SLC12A5: variants seen among roughly 807,000 people sequenced by gnomAD.
SLC12A5 encodes solute carrier family 12 member 5.
In SLC12A5, 18 loss-of-function variants were observed where a neutral mutation model predicts 124.0. The observed-to-expected ratio is 0.15, with a 90% confidence interval of 0.10 to 0.22. The LOEUF (loss-of-function observed/expected upper bound fraction) is 0.22. Ranked by LOEUF, SLC12A5 falls within the 10% of genes least tolerant of loss-of-function variation. SLC12A5 has a pLI of 1.00. For synonymous variants in SLC12A5, 589 were observed against 568.0 expected (o/e 1.04, Z -0.53); for missense variants, 867 against 1,478.7 (o/e 0.59, Z 6.78).
chr20:46,034,251 C>T (rs1015369041), intron 1 of SLC12A5, among the ~76,000 whole-genome samples: 1 of 152,324 alleles, frequency 6.6e-6, no homozygotes, highest in Non-Finnish European at 1.5e-5. Context: ...CAGCTCTCAG[C>T]GGACACGTCA....
At chr20:46,039,865 G>A (rs543475577) in intron 6 of SLC12A5, among the ~76,000 whole-genome samples, 4 of 151,654 alleles carry the variant, frequency 2.6e-5, no homozygotes, top group Admixed American at 6.6e-5. Flanking sequence ...TAGCTCCATA[G>A]TCTGTGGGGA....
chr20:46,042,256 C>G (rs2084554601), intron 8 of SLC12A5, among the ~76,000 whole-genome samples: 1 of 152,082 alleles, frequency 6.6e-6, no homozygotes, highest in African/African-American at 2.4e-5. Context: ...GAGGAGCCAC[C>G]AAGGGGTTTT....
chr20:46,057,625 G>T lies in SLC12A5; in HGVS notation c.*20G>T. On this transcript the variant is annotated 3_prime_UTR_variant, in exon 26 of 26. Transcript: ENST00000243964. This position sits in a 1 kb window ranked among gnomAD's most constrained non-coding sequence, Gnocchi z 7.1. ...TCCTGAGAACCAGGACCTGCCACCC[G>T]GGCCCGAGCGCGCCCGGCCCGCGGC... 6.3e-7 allele frequency: 1 copy of T among 1,598,476 alleles called. No homozygotes were observed. The highest frequency in any genetic ancestry group is 1.1e-5 in the South Asian group (1 of 89,908).
chr20:46,031,905 C>G (rs2084454366), intron 1 of SLC12A5, among the ~76,000 whole-genome samples: 1 of 152,252 alleles, frequency 6.6e-6, no homozygotes, highest in Admixed American at 6.5e-5. Flanking sequence ...TTCCCCTTAG[C>G]TGTTCTGGTC....
intron 6 of SLC12A5, among the ~76,000 whole-genome samples, chr20:46,040,065 A>G (rs12480942): frequency 0.029 from 4,477 of 152,298 alleles, 170 homozygotes; most frequent in Admixed American, 0.12. Context: ...ATGGGGTCAC[A>G]TTATGTTGCC....
Position 46,029,390 on chromosome 20 carries a change from A to C in SLC12A5, c.46A>C (p.Asn16His), listed in dbSNP as rs1027949251. The C allele has an allele frequency of 3.2e-6, 5 of 1,541,872 alleles. No individual in the cohort carries two copies. Among genetic ancestry groups the C allele is most frequent in the African/African-American group, 1.4e-5 (1 of 72,524 alleles). The change falls in exon 1 of 26, where the codon AAC (asparagine) becomes CAC (histidine). Residue 16 changes from asparagine (N) to histidine (H), a missense_variant. Coordinates refer to ENST00000243964, the MANE Select transcript of SLC12A5 (RefSeq NM_020708.5). ...TDCEDGDGGA[N>H]PGDGNPKESS... ...CTGCGAGGACGGCGATGGGGGAGCC[A>C]ACCCGGGTAAGCTGTGGTCCGGGGG... is the stretch of plus-strand genomic sequence containing the variant.
chr20:46,046,492 C>T, intron 14 of SLC12A5, 56 bp downstream of exon 14: 2 of 1,482,736 alleles, frequency 1.3e-6, no homozygotes, highest in Admixed American at 3.4e-5. Context: ...CCACGCCAAT[C>T]CTCATCTTAC....
At position 46,029,309 on chromosome 20, in the gene SLC12A5, C is replaced by T. The variant is rs1462463424; in HGVS notation, c.-36C>T. ...GGGTAGAGGGGCGCGGGCGAGGCGG[C>T]GCAGCCATCCCCGGACCAGGGGCCG... is the stretch of plus-strand genomic sequence containing the variant. On this transcript the variant is annotated 5_prime_UTR_variant, in exon 1 of 26. Coordinates refer to ENST00000243964, the MANE Select transcript of SLC12A5 (RefSeq NM_020708.5). 2 of 1,519,700 alleles carry T rather than the reference C, an allele frequency of 1.3e-6. No homozygotes were observed. The highest frequency in any genetic ancestry group is 1.8e-6 in the Non-Finnish European group (2 of 1,134,034). 94.1% of individuals were successfully genotyped at this position (1,519,700 alleles called of 1,614,324 possible). A position where few individuals can be genotyped will look rare whatever the true frequency, so the allele number is the denominator to read the frequency against.
At chr20:46,029,665 G>A (rs889436127) in intron 1 of SLC12A5, among the ~76,000 whole-genome samples, 1 of 152,178 alleles carries the variant, frequency 6.6e-6, no homozygotes, top group African/African-American at 2.4e-5. Context: ...TAGCTAAACC[G>A]AGGAGGCGGT....
rs1288195001 is a variant in SLC12A5, at chr20:46,056,572, C to T, written c.3110+8C>T. 6.2e-7 allele frequency: 1 copy of T among 1,612,212 alleles called. No homozygotes were observed. The highest frequency in any genetic ancestry group is 8.5e-7 in the Non-Finnish European group (1 of 1,178,932). The stretch of plus-strand genomic sequence containing the variant: ...CTTCTTCAGCATGAAGCCGTACGGG[C>T]CTGGGGGCTAAGGGCTGGGGGCTGG... On this transcript the variant is annotated splice_region_variant and intron_variant, in intron 23 of 25. Transcript: ENST00000243964. This position sits in a 1 kb window ranked among gnomAD's most constrained non-coding sequence, Gnocchi z 4.3.
Position 46,056,334 on chromosome 20 carries a change from C to G in SLC12A5, c.2911-31C>G, listed in dbSNP as rs377173641. The G allele has an allele frequency of 3.7e-6, 6 of 1,609,690 alleles. No individual in the cohort carries two copies. The African/African-American group carries it at 5.3e-5, about 14-fold the overall frequency. ...AGCAGAGCCCTTGGCCTCCAAAGGA[C>G]TCAACTGCCATCGCTTCATTCATCC... On this transcript the variant is annotated intron_variant, in intron 22 of 25. Transcript: ENST00000243964. This position sits in a 1 kb window ranked among gnomAD's most constrained non-coding sequence, Gnocchi z 4.3.
Position 46,048,739 on chromosome 20 carries a change from C to T in SLC12A5, c.2012+654C>T, listed in dbSNP as rs546264467. Among the ~76,000 whole-genome samples, 9 of 152,062 alleles carry T rather than the reference C, an allele frequency of 5.9e-5. No individual in the cohort carries two copies. In the South Asian group the frequency reaches 8.3e-4, roughly 14 times the overall value. On this transcript the variant is annotated intron_variant, in intron 16 of 25. Coordinates refer to ENST00000243964, the MANE Select transcript of SLC12A5 (RefSeq NM_020708.5). The stretch of plus-strand genomic sequence containing the variant: ...TACAAAAATTAGCCAGGCATGGTGG[C>T]GTGCACCTGTAGTCCCAGCTACTCA...
upstream of SLC12A5, chr20:46,029,190 G>T (rs1421753029): frequency 2.1e-6 from 3 of 1,438,982 alleles, no homozygotes; most frequent in African/African-American, 2.9e-5. Flanking sequence ...CCGTGTGCGA[G>T]TGTGTGTGCG....
chr20:46,058,659 C>A lies in SLC12A5; in HGVS notation c.*1054C>A, dbSNP rs568524737. Reference sequence around the variant, plus strand: ...TCGGCTTGTCGCCTGCTCCCCGTATCCCATGGCTCCTCGCCAAAGACTGAA... The same window carrying A: ...TCGGCTTGTCGCCTGCTCCCCGTATACCATGGCTCCTCGCCAAAGACTGAA... On this transcript the variant is annotated 3_prime_UTR_variant, in exon 26 of 26. Transcript: ENST00000243964. The surrounding 1 kb of genome is among the most constrained non-coding windows in gnomAD (Gnocchi z 5.8). 20 of 399,070 alleles carry A rather than the reference C, an allele frequency of 5.0e-5. No homozygotes were observed. Among genetic ancestry groups the A allele is most frequent in the Middle Eastern group, 6.3e-4 (1 of 1,588 alleles). 24.7% of individuals were successfully genotyped at this position (399,070 alleles called of 1,614,324 possible). A position where few individuals can be genotyped will look rare whatever the true frequency, so the allele number is the denominator to read the frequency against.
upstream of SLC12A5, chr20:46,021,792 G>C: frequency 6.5e-7 from 1 of 1,532,250 alleles, no homozygotes; most frequent in African/African-American, 1.4e-5. Flanking sequence ...CGGTCACCTC[G>C]CTGCCCCCCG....
intron 13 of SLC12A5, 90 bp downstream of exon 13, chr20:46,046,086 C>A (rs553582728): frequency 8.0e-7 from 1 of 1,246,358 alleles, no homozygotes; most frequent in East Asian, 2.3e-5. Context: ...CCCACCCAGA[C>A]ACTTTAGCAA....
rs57291121 is a variant in SLC12A5, at chr20:46,022,980, G to A, written c.100G>A (p.Gly34Arg). ...AGGAGGAGGAGGAGGAGGAGGAAGAGGAGGAGGAGGAAGAGGAGGAGGAAG... is the reference window on the plus strand; with the variant it reads ...AGGAGGAGGAGGAGGAGGAGGAAGAAGAGGAGGAGGAAGAGGAGGAGGAAG... The change falls in exon 2 of 3, where the codon GGA becomes AGA. Residue 34 changes from glycine (G) to arginine (R), a missense_variant. Gly to Arg is a moderately radical substitution (Grantham distance 125). Transcript: ENST00000413737. 2.4e-4 allele frequency: 88 copies of A among 370,828 alleles called. No homozygotes were observed. In the East Asian group the frequency reaches 3.5e-3, roughly 15 times the overall value. The allele number at this position is 370,828 out of a possible 1,614,324, so 23.0% of individuals were successfully genotyped here.
At chr20:46,041,993 A>G (rs1486912011) in intron 8 of SLC12A5, among the ~76,000 whole-genome samples, 1 of 152,138 alleles carries the variant, frequency 6.6e-6, no homozygotes, top group East Asian at 1.9e-4. Context: ...GAGGGTTTTG[A>G]AGGACAAATG....
chr20:46,048,149 A>T, intron 16 of SLC12A5, 64 bp downstream of exon 16: 2 of 1,419,302 alleles, frequency 1.4e-6, no homozygotes, highest in Non-Finnish European at 1.9e-6. Flanking sequence ...CTCAGGAGAC[A>T]GGGGGAAGGG....
Sources: allele counts gnomAD v4.1 joint callset (sites outside exome capture counted in the v4.1 genomes callset), GRCh38; gene constraint gnomAD v4.1.1; non-coding constraint Gnocchi (gnomAD v3.1); transcripts MANE v1.5; gene names NCBI Gene and HGNC (gene_info 2026-07-23, HGNC 2026-07-21).